Variants in NRXN1 observed in about 807,000 individuals in gnomAD.
NRXN1 encodes the protein neurexin 1.
Under a neutral mutation model 150.9 loss-of-function variants are expected in NRXN1, and 39 were observed. That is an observed-to-expected ratio of 0.26 (90% CI 0.20 to 0.34). NRXN1 has a LOEUF of 0.34. Ranked by LOEUF, NRXN1 falls within the 10% of genes least tolerant of loss-of-function variation. The pLI is 1.00. For missense variants in NRXN1, 1,815 were observed against 1,949.9 expected, an observed-to-expected ratio of 0.93 and a Z score of 1.30; for synonymous variants, 924 against 757.0, an observed-to-expected ratio of 1.22 and a Z score of -3.62.
At chr2:50,022,918 T>C (rs1479836131) in intron 21 of NRXN1, 3 of 152,200 alleles carry the variant, frequency 2.0e-5, no homozygotes, top group Non-Finnish European at 4.4e-5. Flanking sequence ...AAGACTGAAT[T>C]CTATCCTTAG....
intron 8 of NRXN1, among the ~76,000 whole-genome samples, chr2:50,563,562 G>A (rs1327676321): frequency 6.6e-6 from 1 of 152,140 alleles, no homozygotes; most frequent in Non-Finnish European, 1.5e-5. Context: ...AAAGTGGAGT[G>A]ACCTCAGACT....
chr2:50,899,096 A>G (rs1002076402), intron 5 of NRXN1, among the ~76,000 whole-genome samples: 7 of 152,174 alleles, frequency 4.6e-5, no homozygotes, highest in African/African-American at 1.4e-4. Flanking sequence ...GACATAAATA[A>G]TTAAAATTAA....
intron 2 of NRXN1, among the ~76,000 whole-genome samples, chr2:50,953,265 T>C (rs1166059258): frequency 6.6e-6 from 1 of 152,202 alleles, no homozygotes; most frequent in African/African-American, 2.4e-5. Flanking sequence ...GAGTCACACT[T>C]TCCTAACAGA....
chr2:50,296,930 T>C (rs926932452), intron 17 of NRXN1, among the ~76,000 whole-genome samples: 4 of 148,274 alleles, frequency 2.7e-5, no homozygotes, highest in Non-Finnish European at 5.9e-5. Flanking sequence ...TCATCCAGGC[T>C]GGAGTGCAGT....
At chr2:50,481,257 G>C (rs1242004326) in intron 15 of NRXN1, among the ~76,000 whole-genome samples, 1 of 152,170 alleles carries the variant, frequency 6.6e-6, no homozygotes, top group Non-Finnish European at 1.5e-5. Flanking sequence ...AAATTTTGGA[G>C]AGTTGTGGCT....
intron 18 of NRXN1, among the ~76,000 whole-genome samples, chr2:50,111,352 A>G (rs1702347159): frequency 6.6e-6 from 1 of 152,150 alleles, no homozygotes; most frequent in Admixed American, 6.5e-5. Context: ...TTGAATTGAA[A>G]GTTACTCTCA....
intron 2 of NRXN1, among the ~76,000 whole-genome samples, chr2:50,979,771 C>T (rs1169709765): frequency 1.3e-5 from 2 of 152,104 alleles, no homozygotes; most frequent in Non-Finnish European, 2.9e-5. Context: ...ACTCAGTAAG[C>T]AACCAACACC....
At chr2:50,039,904 C>G (rs1310163364) in intron 21 of NRXN1, among the ~76,000 whole-genome samples, 1 of 152,138 alleles carries the variant, frequency 6.6e-6, no homozygotes, top group Non-Finnish European at 1.5e-5. Context: ...ATCCACTTGA[C>G]CTTGATCCTA....
intron 18 of NRXN1, among the ~76,000 whole-genome samples, chr2:50,185,825 A>G: frequency 6.6e-6 from 1 of 152,110 alleles, no homozygotes; most frequent in East Asian, 1.9e-4. Context: ...TACTACTATG[A>G]CTGCACATCA....
chr2:50,689,953 C>T (rs927974645), intron 5 of NRXN1, among the ~76,000 whole-genome samples: 1 of 151,342 alleles, frequency 6.6e-6, no homozygotes, highest in Non-Finnish European at 1.5e-5. Context: ...ATGGTGCGAT[C>T]TCGGCTCACT....
At chr2:50,743,853 A>T (rs1208495337) in intron 5 of NRXN1, among the ~76,000 whole-genome samples, 1 of 152,176 alleles carries the variant, frequency 6.6e-6, no homozygotes, top group Non-Finnish European at 1.5e-5. Context: ...CACATTTCTG[A>T]ATAATTACTG....
chr2:50,091,225 C>T, intron 19 of NRXN1, 98 bp downstream of exon 19: 3 of 1,408,898 alleles, frequency 2.1e-6, no homozygotes, highest in African/African-American at 1.4e-5. Context: ...GATGGTTTCT[C>T]AGAAAACCAC....
chr2:50,577,997 G>A (rs1366958343), intron 8 of NRXN1, among the ~76,000 whole-genome samples: 1 of 151,736 alleles, frequency 6.6e-6, no homozygotes, highest in African/African-American at 2.4e-5. Context: ...TAAAAGCTAG[G>A]AAAATTGACA....
At chr2:50,048,267 G>T (rs78742350) in intron 21 of NRXN1, among the ~76,000 whole-genome samples, 3,347 of 152,100 alleles carry the variant, frequency 0.022, 123 homozygotes, top group African/African-American at 0.076. Context: ...ACTAAAATTT[G>T]CTGTAAAAAT....
At chr2:50,200,274 G>C (rs898770338) in intron 18 of NRXN1, among the ~76,000 whole-genome samples, 15 of 152,040 alleles carry the variant, frequency 9.9e-5, no homozygotes, top group African/African-American at 3.6e-4. Flanking sequence ...CTTAATCTTA[G>C]CTGTAATAAC....
chr2:50,630,301 G>C (rs556398552), intron 5 of NRXN1, among the ~76,000 whole-genome samples: 1 of 151,726 alleles, frequency 6.6e-6, no homozygotes, highest in South Asian at 2.1e-4. Flanking sequence ...TGAACAAATG[G>C]ATTGGTTTCA....
chr2:50,276,934 C>T (rs922032733), intron 17 of NRXN1, among the ~76,000 whole-genome samples: 4 of 152,164 alleles, frequency 2.6e-5, no homozygotes, highest in Non-Finnish European at 5.9e-5. Context: ...AGTCTTACTT[C>T]TAGCCCCCCT....
rs146845591 is a variant in NRXN1, at chr2:50,031,246, T to A, written c.4128+22025A>T. On this transcript the variant is annotated intron_variant, in intron 21 of 22. Coordinates refer to ENST00000401669, the MANE Select transcript of NRXN1 (RefSeq NM_001330078.2). ...AAGAAGCCAGCATGCTTGGAAGGAATCTTTTGCTCAAACTCAGATTATGTT... is the reference window on the plus strand; with the variant it reads ...AAGAAGCCAGCATGCTTGGAAGGAAACTTTTGCTCAAACTCAGATTATGTT... Among the ~76,000 whole-genome samples, 26 of 152,204 alleles carry A rather than the reference T, an allele frequency of 1.7e-4. 1 individual carries two copies. The highest frequency in any genetic ancestry group is 6.3e-4 in the African/African-American group (26 of 41,564).
At chr2:50,345,769 T>C (rs72824920) in intron 17 of NRXN1, among the ~76,000 whole-genome samples, 4,738 of 152,284 alleles carry the variant, frequency 0.031, 117 homozygotes, top group Middle Eastern at 0.088. Context: ...AGGAGAATAG[T>C]TTCCCTTAGC....
Sources: gnomAD v4.1 joint callset for allele counts (sites outside exome capture counted in the v4.1 genomes callset) on GRCh38, gnomAD v4.1.1 for gene constraint, MANE v1.5 for transcripts, NCBI Gene and HGNC (gene_info 2026-07-23, HGNC 2026-07-21) for gene names.